ATP6V0A4: variants seen among roughly 807,000 people sequenced by gnomAD.
The protein encoded by ATP6V0A4 is V-type proton ATPase 116 kDa subunit a 4.
ATP6V0A4 carries 86 observed loss-of-function variants against 107.3 expected under a neutral mutation model. The observed-to-expected ratio is 0.80, with a 90% CI of 0.67 to 0.96. The LOEUF (loss-of-function observed/expected upper bound fraction) is 0.96. Among genes scored for constraint, ATP6V0A4 ranks in the 40% least tolerant of loss-of-function variants. The pLI, the probability that ATP6V0A4 is intolerant of heterozygous loss-of-function variation, is 0.00. For synonymous variants in ATP6V0A4, 353 were observed against 381.4 expected (o/e 0.93, Z 0.87); for missense variants, 908 against 1,045.6 (o/e 0.87, Z 1.81).
Position 138,739,522 on chromosome 7 carries a change from C to T in ATP6V0A4, c.1572+18G>A. On this transcript the variant is annotated intron_variant, in intron 15 of 21. Transcript: ENST00000310018. ...ATAGTTCACATAAGAAATATTTAAC[C>T]CAAGAAGACATTATTACCGGATCAA... 1 of 1,613,570 alleles carries T rather than the reference C, an allele frequency of 6.2e-7. No homozygotes were observed. The highest frequency in any genetic ancestry group is 1.7e-5 in the Admixed American group (1 of 60,000).
intron 15 of ATP6V0A4, among the ~76,000 whole-genome samples, chr7:138,736,813 C>T (rs1384549535): frequency 2.6e-5 from 4 of 151,888 alleles, no homozygotes; most frequent in African/African-American, 9.7e-5. Context: ...TCAAATGATC[C>T]GCATGCCTTG....
At chr7:138,791,429 T>C (rs1350080788) in intron 1 of ATP6V0A4, among the ~76,000 whole-genome samples, 2 of 152,172 alleles carry the variant, frequency 1.3e-5, no homozygotes, top group South Asian at 2.1e-4. Context: ...ATTTGATGGC[T>C]GAGAAGTTTT....
chr7:138,713,474 C>A (rs1472096948), intron 20 of ATP6V0A4, among the ~76,000 whole-genome samples: 1 of 152,050 alleles, frequency 6.6e-6, no homozygotes, highest in Non-Finnish European at 1.5e-5. Flanking sequence ...CCCTTCAGCA[C>A]ACACCTTGGC....
At chr7:138,768,723 G>A in intron 5 of ATP6V0A4, 57 bp downstream of exon 5, 1 of 1,598,432 alleles carries the variant, frequency 6.3e-7, no homozygotes, top group Non-Finnish European at 8.5e-7. Context: ...GGGCCTTCAA[G>A]GAGACAGGCT....
intron 17 of ATP6V0A4, among the ~76,000 whole-genome samples, chr7:138,729,751 T>C (rs2117230636): frequency 6.6e-6 from 1 of 152,344 alleles, no homozygotes; most frequent in African/African-American, 2.4e-5. Flanking sequence ...AAAACATTTC[T>C]TGAGCCTTCA....
chr7:138,754,238 C>T (rs144615143), intron 10 of ATP6V0A4, among the ~76,000 whole-genome samples: 6,414 of 152,014 alleles, frequency 0.042, 418 homozygotes, highest in African/African-American at 0.14. Flanking sequence ...CACCTGAGGT[C>T]GGGAGTTCGA....
chr7:138,747,817 C>T, intron 12 of ATP6V0A4: 2 of 465,978 alleles, frequency 4.3e-6, no homozygotes, highest in South Asian at 4.4e-5. Flanking sequence ...TGCAGTGGCA[C>T]AATCATGGCT....
intron 5 of ATP6V0A4, among the ~76,000 whole-genome samples, chr7:138,764,543 A>T (rs10252104): frequency 0.32 from 48,730 of 151,980 alleles, 7,870 homozygotes; most frequent in South Asian, 0.44. Flanking sequence ...AATTTAGTGA[A>T]TATGTGCCTT....
chr7:138,715,959 T>C (rs2117193596), intron 19 of ATP6V0A4, 78 bp from the exon 20 acceptor site: 4 of 1,571,856 alleles, frequency 2.5e-6, no homozygotes, highest in Non-Finnish European at 3.5e-6. Context: ...CAAAGATGAA[T>C]AAGACATGGG....
At chr7:138,726,436 G>T (rs1437936655) in intron 18 of ATP6V0A4, among the ~76,000 whole-genome samples, 1 of 152,252 alleles carries the variant, frequency 6.6e-6, no homozygotes, top group South Asian at 2.1e-4. Context: ...GGAAGGAGAT[G>T]TGTACTCACT....
Position 138,769,312 on chromosome 7 carries a change from C to CTTT in ATP6V0A4, c.118-64_118-62dup, listed in dbSNP as rs540481545. 3,202 of 1,319,876 alleles carry CTTT rather than the reference C, an allele frequency of 2.4e-3. 17 individuals are homozygous for CTTT. The Admixed American group carries it at 0.037, about 15-fold the overall frequency. The allele number at this position is 1,319,876 out of a possible 1,614,324, so 81.8% of individuals were successfully genotyped here. A position where few individuals can be genotyped will look rare whatever the true frequency, so the allele number is the denominator to read the frequency against. Reference sequence around the variant, plus strand: ...GCAACAGCTGCCAATAGATTTCTTTCTTTTTTTTTTTTTTTTTTTGAGACT... The same window carrying CTTT: ...GCAACAGCTGCCAATAGATTTCTTTCTTTTTTTTTTTTTTTTTTTTTTGAGACT... On this transcript the variant is annotated intron_variant, in intron 3 of 21. Coordinates refer to ENST00000310018, the MANE Select transcript of ATP6V0A4 (RefSeq NM_020632.3).
At chr7:138,784,600 G>C (rs1455036710) in intron 2 of ATP6V0A4, among the ~76,000 whole-genome samples, 3 of 151,958 alleles carry the variant, frequency 2.0e-5, no homozygotes, top group Non-Finnish European at 4.4e-5. Flanking sequence ...TTATAGGCGT[G>C]AGCCACTGCG....
At chr7:138,741,118 T>C (rs555931737) in intron 14 of ATP6V0A4, among the ~76,000 whole-genome samples, 20 of 152,136 alleles carry the variant, frequency 1.3e-4, no homozygotes, top group Non-Finnish European at 2.6e-4. Context: ...CACTCCAGCC[T>C]GGGCAACAGA....
At chr7:138,710,868 A>G (rs1803704141) in intron 20 of ATP6V0A4, among the ~76,000 whole-genome samples, 1 of 152,194 alleles carries the variant, frequency 6.6e-6, no homozygotes, top group African/African-American at 2.4e-5. Flanking sequence ...GATTTACAGA[A>G]AGCCTGAAGT....
intron 13 of ATP6V0A4, among the ~76,000 whole-genome samples, chr7:138,746,003 A>ATT (rs1805926094): frequency 2.3e-5 from 1 of 44,218 alleles, no homozygotes; most frequent in African/African-American, 5.4e-5. Flanking sequence ...AAATATAAAT[A>ATT]ATATATATAT....
At chr7:138,728,272 C>T (rs1804818434) in intron 18 of ATP6V0A4, among the ~76,000 whole-genome samples, 1 of 152,024 alleles carries the variant, frequency 6.6e-6, no homozygotes, top group African/African-American at 2.4e-5. Context: ...TTCGCCCAGG[C>T]TAGAGTGAAG....
At chr7:138,763,237 T>A in intron 5 of ATP6V0A4, 1 of 299,324 alleles carries the variant, frequency 3.3e-6, no homozygotes, top group South Asian at 1.3e-4. Flanking sequence ...AAGAGTTCCA[T>A]CACCAAACGA....
intron 2 of ATP6V0A4, among the ~76,000 whole-genome samples, chr7:138,780,689 G>A (rs1807878369): frequency 6.6e-6 from 1 of 152,034 alleles, no homozygotes; most frequent in Non-Finnish European, 1.5e-5. Flanking sequence ...GGATGGCTGG[G>A]GAAAGAGAGT....
At chr7:138,762,845 G>A in intron 6 of ATP6V0A4, 55 bp downstream of exon 6, 1 of 1,592,026 alleles carries the variant, frequency 6.3e-7, no homozygotes. Context: ...TTCCAAAATG[G>A]AAATTTGAGG....
Sources: allele counts gnomAD v4.1 joint callset (sites outside exome capture counted in the v4.1 genomes callset), GRCh38; gene constraint gnomAD v4.1.1; transcripts MANE v1.5; gene names NCBI Gene and HGNC (gene_info 2026-07-23, HGNC 2026-07-21).